Variants in FRMD3 observed in about 807,000 individuals in gnomAD.
The protein encoded by FRMD3 is FERM domain-containing protein 3.
A neutral mutation model predicts 70.2 loss-of-function variants in FRMD3; 33 were observed. The observed-to-expected ratio is 0.47, with a 90% CI of 0.36 to 0.63. The LOEUF (loss-of-function observed/expected upper bound fraction) is 0.63. Ranked by LOEUF, FRMD3 falls within the 20% of genes least tolerant of loss-of-function variation. The pLI is 0.00. For synonymous variants in FRMD3, 279 were observed against 255.9 expected, an observed-to-expected ratio of 1.09 and a Z score of -0.86; for missense variants, 632 against 711.4, an observed-to-expected ratio of 0.89 and a Z score of 1.27.
chr9:83,480,731 G>A (rs1828548908), intron 1 of FRMD3, among the ~76,000 whole-genome samples: 1 of 152,114 alleles, frequency 6.6e-6, no homozygotes, highest in African/African-American at 2.4e-5. Context: ...CCAACCTCAG[G>A]TGATCCACCT....
chr9:83,264,684 A>G (rs13283875), intron 13 of FRMD3, among the ~76,000 whole-genome samples: 5,529 of 152,314 alleles, frequency 0.036, 126 homozygotes, highest in Middle Eastern at 0.078. Context: ...CCTACCTGAT[A>G]TTAAAACTAT....
chr9:83,299,615 G>A (rs1273413887), intron 10 of FRMD3, among the ~76,000 whole-genome samples: 1 of 152,214 alleles, frequency 6.6e-6, no homozygotes. Flanking sequence ...TATCCACAGT[G>A]AGGCAGAAAA....
At chr9:83,260,893 G>C (rs1266444004) in intron 13 of FRMD3, among the ~76,000 whole-genome samples, 2 of 151,948 alleles carry the variant, frequency 1.3e-5, no homozygotes, top group Non-Finnish European at 2.9e-5. Context: ...CGAAACTCCT[G>C]TCCCATGGGT....
intron 13 of FRMD3, among the ~76,000 whole-genome samples, chr9:83,273,261 G>A (rs940426918): frequency 2.0e-5 from 3 of 151,870 alleles, no homozygotes; most frequent in African/African-American, 7.3e-5. Context: ...AGTAGACATG[G>A]GAGACTCCAT....
At chr9:83,414,294 T>G (rs1163276840) in intron 1 of FRMD3, among the ~76,000 whole-genome samples, 2 of 152,204 alleles carry the variant, frequency 1.3e-5, no homozygotes, top group African/African-American at 2.4e-5. Context: ...TTTAATGGTA[T>G]GTAAATTAAA....
intron 1 of FRMD3, among the ~76,000 whole-genome samples, chr9:83,405,619 A>T (rs1268337752): frequency 2.0e-5 from 3 of 151,492 alleles, no homozygotes; most frequent in Non-Finnish European, 2.9e-5. Flanking sequence ...AAAAAAAAAA[A>T]ATTAGCCGGG....
intron 1 of FRMD3, among the ~76,000 whole-genome samples, chr9:83,403,386 C>T (rs2131323055): frequency 6.6e-6 from 1 of 152,158 alleles, no homozygotes; most frequent in Middle Eastern, 3.4e-3. Flanking sequence ...GAAGGTGGCT[C>T]GAACACGCAT....
At chr9:83,532,631 G>A (rs1003310394) in intron 1 of FRMD3, among the ~76,000 whole-genome samples, 6 of 150,414 alleles carry the variant, frequency 4.0e-5, no homozygotes, top group African/African-American at 1.5e-4. Context: ...ACATGTGCAT[G>A]CACACACACA....
At position 83,309,579 on chromosome 9, in the gene FRMD3, T is replaced by C; in HGVS notation, c.883A>G (p.Lys295Glu). The C allele has an allele frequency of 1.9e-6, 3 of 1,600,306 alleles. No individual in the cohort carries two copies. The highest frequency in any genetic ancestry group is 2.6e-6 in the Non-Finnish European group (3 of 1,173,666). Residue 295 changes from lysine (K) to glutamate (E), a missense_variant, in exon 10 of 14, where the codon AAA (lysine) becomes GAA (glutamate). Coordinates refer to ENST00000304195, the MANE Select transcript of FRMD3 (RefSeq NM_174938.6). The stretch of plus-strand genomic sequence containing the variant: ...TCCACTCCACACTTCCAAAGATGTT[T>C]GCAGGCAGCTGGTGTTGAAGTATGG... ...AFHTSTPAAC[K>E]HLWKCGVENQ...
chr9:83,269,029 A>G (rs185990577), intron 13 of FRMD3, among the ~76,000 whole-genome samples: 2 of 152,352 alleles, frequency 1.3e-5, no homozygotes, highest in South Asian at 2.1e-4. Flanking sequence ...GTCACCAACA[A>G]TGGTTCTTGA....
chr9:83,412,623 G>A (rs925135312), intron 1 of FRMD3, among the ~76,000 whole-genome samples: 2 of 152,188 alleles, frequency 1.3e-5, no homozygotes, highest in Non-Finnish European at 2.9e-5. Context: ...TACGGCTTTT[G>A]CCGCAACCAA....
chr9:83,293,361 CT>C (rs1834524031), intron 12 of FRMD3, among the ~76,000 whole-genome samples: 1 of 152,118 alleles, frequency 6.6e-6, no homozygotes, highest in Admixed American at 6.5e-5. Context: ...GCTTTCTGAC[CT>C]CTGAAAAGCC....
intron 1 of FRMD3, among the ~76,000 whole-genome samples, chr9:83,461,986 C>A (rs886699462): frequency 6.6e-6 from 1 of 152,144 alleles, no homozygotes; most frequent in Non-Finnish European, 1.5e-5. Context: ...CAATGCCTGG[C>A]AGCAATTTCT....
chr9:83,576,784 C>T, the FRMD3 span, among the ~76,000 whole-genome samples: 1 of 151,812 alleles, frequency 6.6e-6, no homozygotes, highest in Non-Finnish European at 1.5e-5. Context: ...ATAAAGGGCA[C>T]CCAGATTGGA....
intron 6 of FRMD3, among the ~76,000 whole-genome samples, chr9:83,323,551 C>T (rs1457748553): frequency 1.3e-5 from 2 of 152,204 alleles, no homozygotes; most frequent in Non-Finnish European, 2.9e-5. Context: ...TGCTCATGCC[C>T]TCTTCATGTG....
At chr9:83,301,633 G>A (rs1327141911) in intron 10 of FRMD3, among the ~76,000 whole-genome samples, 4 of 152,214 alleles carry the variant, frequency 2.6e-5, no homozygotes, top group Non-Finnish European at 5.9e-5. Flanking sequence ...CGGCGCAGGT[G>A]TGAGTCAACC....
the FRMD3 span, among the ~76,000 whole-genome samples, chr9:83,568,285 G>A: frequency 1.3e-5 from 2 of 152,292 alleles, no homozygotes; most frequent in African/African-American, 2.4e-5. Flanking sequence ...CAACACGTGG[G>A]AATTCTGGGA....
intron 5 of FRMD3, 144 bp downstream of exon 5, chr9:83,343,046 G>A (rs1823826567): frequency 1.5e-6 from 1 of 664,464 alleles, no homozygotes; most frequent in Non-Finnish European, 2.7e-6. Flanking sequence ...GGTGAGTTGG[G>A]GTTCTGTTGC....
chr9:83,442,066 T>C (rs1827313981), intron 1 of FRMD3, among the ~76,000 whole-genome samples: 1 of 152,174 alleles, frequency 6.6e-6, no homozygotes, highest in Non-Finnish European at 1.5e-5. Flanking sequence ...ATCCTGTCTT[T>C]ACCACTTATC....
Sources: allele counts gnomAD v4.1 joint callset (sites outside exome capture counted in the v4.1 genomes callset), GRCh38; gene constraint gnomAD v4.1.1; transcripts MANE v1.5; gene names NCBI Gene and HGNC (gene_info 2026-07-23, HGNC 2026-07-21).